The following ANKIB1 variants were observed in gnomAD, a reference collection of about 807,000 sequenced individuals.
The protein encoded by ANKIB1 is ankyrin repeat and IBR domain containing 1, also known as ankyrin repeat and IBR domain-containing protein 1.
In ANKIB1, 43 loss-of-function variants were observed where a neutral mutation model predicts 122.1. That is an observed-to-expected ratio of 0.35 (90% CI 0.28 to 0.45). The LOEUF is 0.45. Among genes scored for constraint, ANKIB1 ranks in the 20% least tolerant of loss-of-function variants. The pLI, the probability that ANKIB1 is intolerant of heterozygous loss-of-function variation, is 1.00. For synonymous variants in ANKIB1, 390 were observed against 442.0 expected, an observed-to-expected ratio of 0.88 and a Z score of 1.48; for missense variants, 992 against 1,329.5, an observed-to-expected ratio of 0.75 and a Z score of 3.95.
chr7:92,272,048 G>A (rs938582689), intron 1 of ANKIB1, among the ~76,000 whole-genome samples: 1 of 152,282 alleles, frequency 6.6e-6, no homozygotes, highest in Non-Finnish European at 1.5e-5. Context: ...TGCTTAATGG[G>A]TATGGACTTT....
At chr7:92,378,638 A>G (rs1804441493) in intron 11 of ANKIB1, among the ~76,000 whole-genome samples, 1 of 152,184 alleles carries the variant, frequency 6.6e-6, no homozygotes, top group South Asian at 2.1e-4. Context: ...CAAGAACAAG[A>G]TGAAGATATT....
chr7:92,396,593 A>C, intron 18 of ANKIB1, 117 bp downstream of exon 18: 1 of 620,700 alleles, frequency 1.6e-6, no homozygotes, highest in South Asian at 2.0e-5. Context: ...ATAAATATGC[A>C]GATGTTTCTG....
chr7:92,379,494 A>G lies in ANKIB1; in HGVS notation c.1618-7015A>G, dbSNP rs923823334. ...GGAACTAGCCTTGTCAAATAGCCAT[A>G]TTATGAAACCTCAGTAATTCAAACA... is the stretch of plus-strand genomic sequence containing the variant. On this transcript the variant is annotated intron_variant, in intron 11 of 19. Transcript: ENST00000265742. Among the ~76,000 whole-genome samples, 2 of 152,182 alleles carry G rather than the reference A, an allele frequency of 1.3e-5. 1 individual carries two copies. The highest frequency in any genetic ancestry group is 2.9e-5 in the Non-Finnish European group (2 of 68,020).
intron 11 of ANKIB1, among the ~76,000 whole-genome samples, chr7:92,375,586 T>C (rs891823045): frequency 6.6e-6 from 1 of 152,242 alleles, no homozygotes; most frequent in Non-Finnish European, 1.5e-5. Flanking sequence ...GCACTTCCAG[T>C]TCTTTTGCTA....
chr7:92,356,865 G>A (rs548251165), intron 9 of ANKIB1, among the ~76,000 whole-genome samples: 2 of 152,314 alleles, frequency 1.3e-5, no homozygotes, highest in South Asian at 4.1e-4. Context: ...AGAGAATTAA[G>A]TGAGTCAGTA....
At chr7:92,257,419 T>G (rs573995308) in intron 1 of ANKIB1, among the ~76,000 whole-genome samples, 3 of 152,220 alleles carry the variant, frequency 2.0e-5, no homozygotes, top group African/African-American at 4.8e-5. Context: ...AAAAAGGGCA[T>G]GCACTACTGC....
intron 10 of ANKIB1, among the ~76,000 whole-genome samples, chr7:92,367,124 G>T (rs886497781): frequency 2.0e-5 from 3 of 152,198 alleles, no homozygotes; most frequent in Non-Finnish European, 2.9e-5. Flanking sequence ...AGATCCCAAA[G>T]GGGGTTTTGA....
At chr7:92,274,718 G>A (rs945078396) in intron 1 of ANKIB1, among the ~76,000 whole-genome samples, 2 of 152,098 alleles carry the variant, frequency 1.3e-5, no homozygotes, top group South Asian at 4.1e-4. Context: ...AGGCCAAGGC[G>A]GGAAGATCAC....
intron 10 of ANKIB1, among the ~76,000 whole-genome samples, chr7:92,368,694 C>G (rs1006294204): frequency 6.6e-6 from 1 of 151,174 alleles, no homozygotes; most frequent in Non-Finnish European, 1.5e-5. Flanking sequence ...GCACTCCAGC[C>G]TGGGCGACAG....
chr7:92,291,027 C>T (rs983957773), intron 1 of ANKIB1, among the ~76,000 whole-genome samples: 1 of 152,156 alleles, frequency 6.6e-6, no homozygotes, highest in African/African-American at 2.4e-5. Context: ...GGTGCAGTGG[C>T]TCGCACCTGT....
chr7:92,294,961 G>GA lies in ANKIB1; in HGVS notation c.-12dup, dbSNP rs547074167. ...AGGAAAAAAGTGCCACTGCCTATCAGAAAAAACAAAACAAAACATGGGAAA... is the reference window on the plus strand; with the variant it reads ...AGGAAAAAAGTGCCACTGCCTATCAGAAAAAAACAAAACAAAACATGGGAAA... On this transcript the variant is annotated 5_prime_UTR_variant, in exon 2 of 20. Transcript: ENST00000265742. 1.6e-5 allele frequency: 25 copies of GA among 1,564,822 alleles called. No homozygotes were observed. The highest frequency in any genetic ancestry group is 9.7e-5 in the South Asian group (8 of 82,716).
At position 92,386,607 on chromosome 7, in the gene ANKIB1, A is replaced by G; in HGVS notation, c.1716A>G (p.Gln572=). ...YYRCTRYEVI[Q]HVEEQSKEMT... is the part of the protein sequence containing the mutation. ...GATGTACTCGCTATGAAGTCATTCAACACGTGGAGGAGCAATCCAAGGAAA... is the reference window on the plus strand; with the variant it reads ...GATGTACTCGCTATGAAGTCATTCAGCACGTGGAGGAGCAATCCAAGGAAA... Residue 572 remains glutamine (Q), a synonymous_variant, in exon 12 of 20, where the codon CAA becomes CAG. Coordinates refer to ENST00000265742, the MANE Select transcript of ANKIB1 (RefSeq NM_019004.2). 4 of 1,605,588 alleles carry G rather than the reference A, an allele frequency of 2.5e-6. No homozygotes were observed. The highest frequency in any genetic ancestry group is 2.2e-5 in the East Asian group (1 of 44,448).
intron 3 of ANKIB1, among the ~76,000 whole-genome samples, chr7:92,311,724 CCA>C (rs3042461): frequency 0.092 from 13,833 of 149,980 alleles, 827 homozygotes; most frequent in East Asian, 0.35. Flanking sequence ...AGCGCCCCCC[CCA>C]CACACACACA....
chr7:92,301,824 CTACTT>C (rs1266588691), intron 2 of ANKIB1, among the ~76,000 whole-genome samples: 1 of 151,976 alleles, frequency 6.6e-6, no homozygotes, highest in Non-Finnish European at 1.5e-5. Context: ...AGATTTAGTC[CTACTT>C]TACTTTCTCA....
At chr7:92,335,228 A>G (rs1803261245) in intron 5 of ANKIB1, among the ~76,000 whole-genome samples, 1 of 151,516 alleles carries the variant, frequency 6.6e-6, no homozygotes, top group Non-Finnish European at 1.5e-5. Flanking sequence ...ATTTTTCTGG[A>G]TGTTTTATTG....
chr7:92,255,913 A>G (rs1801434645), intron 1 of ANKIB1, among the ~76,000 whole-genome samples: 1 of 152,212 alleles, frequency 6.6e-6, no homozygotes, highest in African/African-American at 2.4e-5. Flanking sequence ...ACTATGGTAA[A>G]CAAGGGGTAT....
chr7:92,363,429 C>G (rs1803998178), intron 10 of ANKIB1, among the ~76,000 whole-genome samples: 2 of 151,926 alleles, frequency 1.3e-5, no homozygotes, highest in Admixed American at 1.3e-4. Context: ...AAAAAAAAAT[C>G]CACACTTACA....
At chr7:92,281,399 T>C (rs1376705532) in intron 1 of ANKIB1, among the ~76,000 whole-genome samples, 3 of 152,148 alleles carry the variant, frequency 2.0e-5, no homozygotes, top group Admixed American at 2.0e-4. Context: ...CCTCCTGAAA[T>C]CCAAGTTCCC....
At chr7:92,272,631 G>A (rs534003495) in intron 1 of ANKIB1, among the ~76,000 whole-genome samples, 9 of 152,250 alleles carry the variant, frequency 5.9e-5, no homozygotes, top group Middle Eastern at 3.4e-3. Flanking sequence ...AGGGGATCTC[G>A]GAGTAGGGAG....
Sources: gnomAD v4.1 joint callset for allele counts (sites outside exome capture counted in the v4.1 genomes callset) on GRCh38, gnomAD v4.1.1 for gene constraint, MANE v1.5 for transcripts, NCBI Gene and HGNC (gene_info 2026-07-23, HGNC 2026-07-21) for gene names.